Variants in LTBR observed in about 807,000 individuals in gnomAD.
LTBR encodes the protein tumor necrosis factor receptor superfamily member 3.
In LTBR, 15 loss-of-function variants were observed where a neutral mutation model predicts 45.4. The observed-to-expected ratio is 0.33, with a 90% CI of 0.22 to 0.51. LTBR has a LOEUF of 0.51. Ranked by LOEUF, LTBR falls within the 20% of genes least tolerant of loss-of-function variation. The pLI is 0.97. For synonymous variants in LTBR, 228 were observed against 231.0 expected, an observed-to-expected ratio of 0.99 and a Z score of 0.12; for missense variants, 450 against 565.5, an observed-to-expected ratio of 0.80 and a Z score of 2.07.
chr12:6,383,474 A>G (rs1949003794), upstream of LTBR, among the ~76,000 whole-genome samples: 1 of 152,126 alleles, frequency 6.6e-6, no homozygotes, highest in Non-Finnish European at 1.5e-5. Context: ...AAGAAGCCAG[A>G]GCAGAGGGAC....
At chr12:6,379,981 A>G (rs1480163581), upstream of LTBR, among the ~76,000 whole-genome samples, 3 of 151,952 alleles carry the variant, frequency 2.0e-5, no homozygotes, top group African/African-American at 7.3e-5. Context: ...GTTCACTACT[A>G]GAAGTTTATC....
chr12:6,376,551 A>G (rs56682151), intron 1 of LTBR, among the ~76,000 whole-genome samples: 5,382 of 152,338 alleles, frequency 0.035, 312 homozygotes, highest in African/African-American at 0.12. Flanking sequence ...GCACACGCCT[A>G]GACAGGCCCT....
chr12:6,391,001 G>C lies in LTBR; in HGVS notation c.*64G>C. ...GCACCTTCTCCCTTGAGGCTGCCCT[G>C]CCCACGTGGGATTCACAGGGGCCTG... is the stretch of plus-strand genomic sequence containing the variant. On this transcript the variant is annotated 3_prime_UTR_variant, in exon 10 of 10. Coordinates refer to ENST00000228918, the MANE Select transcript of LTBR (RefSeq NM_002342.3). 6.9e-7 allele frequency: 1 copy of C among 1,454,866 alleles called. No homozygotes were observed. Among genetic ancestry groups the C allele is most frequent in the Non-Finnish European group, 9.1e-7 (1 of 1,099,958 alleles). 90.1% of individuals were successfully genotyped at this position (1,454,866 alleles called of 1,614,324 possible). A position where few individuals can be genotyped will look rare whatever the true frequency, so the allele number is the denominator to read the frequency against.
In LTBR at chr12:6,388,810, C is replaced by T; in HGVS notation, c.786C>T (p.Leu262=). 1 of 1,614,068 alleles carries T rather than the reference C, an allele frequency of 6.2e-7. No individual in the cohort carries two copies. Among genetic ancestry groups the T allele is most frequent in the Non-Finnish European group, 8.5e-7 (1 of 1,180,002 alleles). ...CATTCTCCATTGCAGGATCGCTGCT[C>T]AAGAGGCGTCCGCAGGTAATGGCGG... The part of the protein sequence containing the change: ...PSLCRKLGSL[L]KRRPQGEGPN... Residue 262 remains leucine (L), a synonymous_variant, in exon 8 of 10, where the codon CTC becomes CTT. Coordinates refer to ENST00000228918, the MANE Select transcript of LTBR (RefSeq NM_002342.3). This position sits in a 1 kb window ranked among gnomAD's most constrained non-coding sequence, Gnocchi z 4.3.
chr12:6,376,858 G>T (rs1306704240), intron 1 of LTBR, among the ~76,000 whole-genome samples: 1 of 152,196 alleles, frequency 6.6e-6, no homozygotes, highest in Non-Finnish European at 1.5e-5. Flanking sequence ...GCAGACAAAG[G>T]CCCAGCCTGA....
chr12:6,382,533 C>T (rs1463137052), upstream of LTBR, among the ~76,000 whole-genome samples: 1 of 152,212 alleles, frequency 6.6e-6, no homozygotes, highest in Non-Finnish European at 1.5e-5. Context: ...AGCGCTAGGG[C>T]CCTGGAAGGC....
chr12:6,384,970 GT>G, intron 2 of LTBR, 51 bp from the exon 3 acceptor site: 1 of 1,610,516 alleles, frequency 6.2e-7, no homozygotes, highest in East Asian at 2.2e-5. Context: ...GGCAGCGGAG[GT>G]GAGGGTGGAG....
In LTBR at chr12:6,388,962, C is replaced by G. The variant is rs138453324; in HGVS notation, c.801+137C>G. On this transcript the variant is annotated intron_variant, in intron 8 of 9. Transcript: ENST00000228918. This position sits in a 1 kb window ranked among gnomAD's most constrained non-coding sequence, Gnocchi z 4.3. Reference sequence around the variant, plus strand: ...AACTGATGATTTACTGAACATGCCACGTACCAGGCACTGTCCTAGGCACTG... The same window carrying G: ...AACTGATGATTTACTGAACATGCCAGGTACCAGGCACTGTCCTAGGCACTG... 2 of 1,085,198 alleles carry G rather than the reference C, an allele frequency of 1.8e-6. No homozygotes were observed. 67.2% of individuals were successfully genotyped at this position (1,085,198 alleles called of 1,614,324 possible). A position where few individuals can be genotyped will look rare whatever the true frequency, so the allele number is the denominator to read the frequency against.
chr12:6,375,704 G>A (rs1225914895), intron 1 of LTBR: 2 of 1,435,798 alleles, frequency 1.4e-6, no homozygotes, highest in African/African-American at 1.5e-5. Flanking sequence ...TGAGAAGGCG[G>A]ACTCTGGGCA....
rs530145689 is a variant in LTBR at position 6,386,471 on chromosome 12, G to T, written c.667+27G>T. The T allele has an allele frequency of 1.5e-3, 2,427 of 1,571,060 alleles. 30 individuals carry two copies. The African/African-American group carries it at 0.028, about 18-fold the overall frequency. On this transcript the variant is annotated intron_variant, in intron 6 of 9. Coordinates refer to ENST00000228918, the MANE Select transcript of LTBR (RefSeq NM_002342.3). The surrounding 1 kb of genome is among the most constrained non-coding windows in gnomAD (Gnocchi z 4.1). ...TGAGGGACCAGGGCTGAGGGACACG[G>T]GGGGGGCGCCTCTGAAAATGCCTTA...
chr12:6,389,787 A>G (rs140412138), intron 8 of LTBR: 2 of 205,920 alleles, frequency 9.7e-6, no homozygotes, highest in African/African-American at 5.1e-5. Flanking sequence ...TGGGTGACAG[A>G]GTGAGACTCT....
intron 6 of LTBR, chr12:6,387,817 G>T (rs1233592007): frequency 4.4e-6 from 2 of 454,576 alleles, no homozygotes; most frequent in Non-Finnish European, 4.4e-6. Context: ...TGAGCAAGGG[G>T]GTGGAGAACT....
Position 6,390,383 on chromosome 12 carries a change from G to A in LTBR, c.1030+43G>A, listed in dbSNP as rs555685333. 5 of 1,502,128 alleles carry A rather than the reference G, an allele frequency of 3.3e-6. No individual in the cohort carries two copies. In the African/African-American group the frequency reaches 6.9e-5, roughly 21 times the overall value. 93.0% of individuals were successfully genotyped at this position (1,502,128 alleles called of 1,614,324 possible). ...AGAAGAGAGGAAGGATGGGGAGGGA[G>A]GGATGGCTGGCAGGGAGAGACTGTG... On this transcript the variant is annotated intron_variant, in intron 9 of 9. Coordinates refer to ENST00000228918, the MANE Select transcript of LTBR (RefSeq NM_002342.3).
chr12:6,377,108 T>A, intron 1 of LTBR: 1 of 622,184 alleles, frequency 1.6e-6, no homozygotes, highest in Non-Finnish European at 2.8e-6. Flanking sequence ...GCAAGGAGTT[T>A]AGCAGGCAAA....
Position 6,386,536 on chromosome 12 carries a change from C to A in LTBR, c.667+92C>A. On this transcript the variant is annotated intron_variant, in intron 6 of 9. Transcript: ENST00000228918. The surrounding 1 kb of genome is among the most constrained non-coding windows in gnomAD (Gnocchi z 4.1). ...AAAAAAAATGGGGAAAAGATGAACACTTCCCTCCCAGAATTGGGCAAGAAG... is the reference window on the plus strand; with the variant it reads ...AAAAAAAATGGGGAAAAGATGAACAATTCCCTCCCAGAATTGGGCAAGAAG... 1 of 999,882 alleles carries A rather than the reference C, an allele frequency of 1.0e-6. No homozygotes were observed. The highest frequency in any genetic ancestry group is 1.5e-6 in the Non-Finnish European group (1 of 656,648). 61.9% of individuals were successfully genotyped at this position (999,882 alleles called of 1,614,324 possible).
chr12:6,386,469 C>CCG lies in LTBR; in HGVS notation c.667+25_667+26insCG. The CCG allele has an allele frequency of 2.7e-6, 4 of 1,483,908 alleles. No homozygotes were observed. Among genetic ancestry groups the CCG allele is most frequent in the South Asian group, 1.2e-5 (1 of 85,526 alleles). The allele number at this position is 1,483,908 out of a possible 1,614,324, so 91.9% of individuals were successfully genotyped here. ...GGTGAGGGACCAGGGCTGAGGGACA[C>CCG]GGGGGGGGCGCCTCTGAAAATGCCT... On this transcript the variant is annotated intron_variant, in intron 6 of 9. Transcript: ENST00000228918. The surrounding 1 kb of genome is among the most constrained non-coding windows in gnomAD (Gnocchi z 4.1).
At chr12:6,390,531 T>C in intron 9 of LTBR, 129 bp from the exon 10 acceptor site, 1 of 1,072,612 alleles carries the variant, frequency 9.3e-7, no homozygotes, top group Non-Finnish European at 1.3e-6. Context: ...ACACAGAAGC[T>C]CAATAAACCA....
chr12:6,389,128 G>A (rs1592101748), intron 8 of LTBR: 1 of 328,574 alleles, frequency 3.0e-6, no homozygotes, highest in East Asian at 6.8e-5. Context: ...CAGTGGCAAA[G>A]GATGGGGGTA....
Position 6,386,551 on chromosome 12 carries a change from T to C in LTBR, c.667+107T>C. The C allele has an allele frequency of 2.3e-6, 2 of 866,896 alleles. No individual in the cohort carries two copies. The highest frequency in any genetic ancestry group is 2.7e-5 in the East Asian group (1 of 37,624). 53.7% of individuals were successfully genotyped at this position (866,896 alleles called of 1,614,324 possible). A position where few individuals can be genotyped will look rare whatever the true frequency, so the allele number is the denominator to read the frequency against. Reference sequence around the variant, plus strand: ...AAGATGAACACTTCCCTCCCAGAATTGGGCAAGAAGAAAGTTCCTTACAGA... The same window carrying C: ...AAGATGAACACTTCCCTCCCAGAATCGGGCAAGAAGAAAGTTCCTTACAGA... On this transcript the variant is annotated intron_variant, in intron 6 of 9. Transcript: ENST00000228918. This position sits in a 1 kb window ranked among gnomAD's most constrained non-coding sequence, Gnocchi z 4.1.
Sources: gnomAD v4.1 joint callset for allele counts (sites outside exome capture counted in the v4.1 genomes callset) on GRCh38, gnomAD v4.1.1 for gene constraint, Gnocchi (gnomAD v3.1) non-coding constraint, MANE v1.5 for transcripts, NCBI Gene and HGNC (gene_info 2026-07-23, HGNC 2026-07-21) for gene names.